The following CEP350 variants were observed in gnomAD, a reference collection of about 807,000 sequenced individuals.
CEP350 encodes the protein centrosomal protein 350, also known as centrosome-associated protein 350.
CEP350 carries 126 observed loss-of-function variants against 331.8 expected under a neutral mutation model. That is an observed-to-expected ratio of 0.38 (90% confidence interval 0.33 to 0.44). The LOEUF is 0.44. Among genes scored for constraint, CEP350 ranks in the 20% least tolerant of loss-of-function variants. The probability of loss-of-function intolerance (pLI) is 1.00; values close to 1 mark genes in which losing one functional copy is unlikely to be tolerated. For synonymous variants in CEP350, 1,200 were observed against 1,259.5 expected (o/e 0.95, Z 1.00); for missense variants, 3,406 against 3,634.6 (o/e 0.94, Z 1.62).
intron 37 of CEP350, 92 bp downstream of exon 37, chr1:180,099,077 T>C: frequency 1.6e-6 from 2 of 1,240,054 alleles, no homozygotes; most frequent in Admixed American, 2.6e-5. Context: ...GATAGACTTA[T>C]TCTTAAATCT....
chr1:180,071,898 C>T (rs778525796), intron 27 of CEP350, among the ~76,000 whole-genome samples: 3 of 152,182 alleles, frequency 2.0e-5, no homozygotes, highest in Non-Finnish European at 4.4e-5. Context: ...TCCAGTGTTC[C>T]GTTACCATCA....
intron 5 of CEP350, among the ~76,000 whole-genome samples, chr1:179,993,786 A>T (rs1653270779): frequency 6.6e-6 from 1 of 152,154 alleles, no homozygotes; most frequent in South Asian, 2.1e-4. Context: ...TACCCAGAAG[A>T]TAGCTGTGAA....
At chr1:180,095,459 T>C in intron 34 of CEP350, 64 bp from the exon 35 acceptor site, 2 of 1,524,210 alleles carry the variant, frequency 1.3e-6, no homozygotes, top group South Asian at 2.6e-5. Context: ...CTCTGTCTTT[T>C]TTTAAAAAAA....
At chr1:180,095,020 T>C (rs548791844) in intron 34 of CEP350, 36 of 183,698 alleles carry the variant, frequency 2.0e-4, no homozygotes, top group Admixed American at 1.6e-3. Flanking sequence ...TGTGAAATTG[T>C]TTACATATCT....
intron 1 of CEP350, among the ~76,000 whole-genome samples, chr1:179,965,720 A>C (rs377402815): frequency 3.9e-4 from 56 of 142,740 alleles, no homozygotes; most frequent in African/African-American, 1.4e-3. Flanking sequence ...TCCTGGGTTC[A>C]GGCGATACTC....
intron 8 of CEP350, among the ~76,000 whole-genome samples, chr1:180,006,943 C>T (rs1013115179): frequency 2.0e-5 from 3 of 152,158 alleles, no homozygotes; most frequent in African/African-American, 7.2e-5. Context: ...ATGAACTCAT[C>T]CTTTTTTATG....
chr1:180,045,133 G>A (rs1224521262), intron 21 of CEP350, among the ~76,000 whole-genome samples: 1 of 152,138 alleles, frequency 6.6e-6, no homozygotes, highest in Non-Finnish European at 1.5e-5. Flanking sequence ...CCTGAGGTTA[G>A]GAGTTCAAGA....
chr1:180,092,530 T>A, intron 33 of CEP350, 84 bp from the exon 34 acceptor site: 1 of 993,176 alleles, frequency 1.0e-6, no homozygotes, highest in Non-Finnish European at 1.4e-6. Context: ...TCACTAAAAT[T>A]TGGCTTTTCT....
In CEP350 at chr1:179,967,440, C is replaced by G. The variant is rs149719685; in HGVS notation, c.-14+12298C>G. Among the ~76,000 whole-genome samples, 699 of 152,190 alleles carry G rather than the reference C, an allele frequency of 4.6e-3. 8 individuals carry two copies. The highest frequency in any genetic ancestry group is 0.016 in the African/African-American group (661 of 41,512). ...TTCTTTTCTTTTTTTGAGACTGAGT[C>G]TCACTCTGTCGCCCAGGAGGGAGTA... On this transcript the variant is annotated intron_variant, in intron 1 of 37. Transcript: ENST00000367607.
At chr1:179,959,749 G>C (rs1335528013) in intron 1 of CEP350, among the ~76,000 whole-genome samples, 1 of 152,148 alleles carries the variant, frequency 6.6e-6, no homozygotes, top group African/African-American at 2.4e-5. Context: ...GGAAGACTCT[G>C]GCTCAAAACA....
chr1:179,986,333 A>G, intron 2 of CEP350, 79 bp downstream of exon 2: 2 of 857,558 alleles, frequency 2.3e-6, no homozygotes, highest in Non-Finnish European at 3.7e-6. Context: ...ATAAATGAAA[A>G]TTATACCTAT....
Position 180,084,110 on chromosome 1 carries a change from A to G in CEP350, c.6217A>G (p.Lys2073Glu). Residue 2073 changes from lysine to glutamate, a missense_variant, in exon 31 of 38, where the codon AAG (lysine) becomes GAG (glutamate). Transcript: ENST00000367607. ...AAAATCAGTTGTGAACCAGCTGAAG[A>G]AGGAACAGAAAAAAAGGCAAAAGGA... ...KRKSVVNQLK[K>E]EQKKRQKERL... 6.3e-7 allele frequency: 1 copy of G among 1,591,802 alleles called. No homozygotes were observed. The highest frequency in any genetic ancestry group is 1.1e-5 in the South Asian group (1 of 87,258).
Position 180,093,210 on chromosome 1 carries a change from G to T in CEP350, c.7105G>T (p.Ala2369Ser). The T allele has an allele frequency of 6.2e-7, 1 of 1,600,558 alleles. No individual in the cohort carries two copies. The change falls in exon 34 of 38, where the codon GCT (alanine) becomes TCT (serine). Residue 2369 changes from alanine to serine, a missense_variant. Transcript: ENST00000367607. ...KDLSWSEHLF[A>S]PKEIPYSEDF... ...TTTGTCTTGGTCAGAACATCTTTTT[G>T]CTCCTAAAGAGATACCATACTCTGA...
At chr1:180,036,814 T>C in intron 16 of CEP350, 112 bp from the exon 17 acceptor site, 1 of 1,248,532 alleles carries the variant, frequency 8.0e-7, no homozygotes, top group South Asian at 1.8e-5. Context: ...GAGTCCCAGT[T>C]TTTTCTACAA....
rs764975784 is a variant in CEP350 at position 179,997,047 on chromosome 1, A to G, written c.890A>G (p.Glu297Gly). The stretch of plus-strand genomic sequence containing the variant: ...ATTAGAAAACAGTGGGAACACTCAG[A>G]AGAAACAAATGGCCGGGGCCAGAAG... ...ERIRKQWEHS[E>G]ETNGRGQKLG... Residue 297 changes from glutamate (E) to glycine (G), a missense_variant, in exon 6 of 38, where the codon GAA (glutamate) becomes GGA (glycine). This residue lies in a region of CEP350 where 1,857 missense variants were observed against 1,909.2 expected (regional missense o/e 0.97). Coordinates refer to ENST00000367607, the MANE Select transcript of CEP350 (RefSeq NM_014810.5). 6.2e-7 allele frequency: 1 copy of G among 1,614,044 alleles called. No homozygotes were observed.
intron 1 of CEP350, among the ~76,000 whole-genome samples, chr1:179,984,643 A>T (rs1652522555): frequency 6.6e-6 from 1 of 152,234 alleles, no homozygotes; most frequent in African/African-American, 2.4e-5. Flanking sequence ...ACTCAATGGG[A>T]GAATAATTAA....
In CEP350 at chr1:180,114,826, A is replaced by G. The variant is rs997377551; in HGVS notation, c.*3665A>G. ...TGTGTAAATAGATTTGTTAACTGAA[A>G]TATACTTTAAGAAAGATAAAATCTG... On this transcript the variant is annotated 3_prime_UTR_variant, in exon 38 of 38. Coordinates refer to ENST00000367607, the MANE Select transcript of CEP350 (RefSeq NM_014810.5). 1.3e-5 allele frequency: 2 copies of G among 152,676 alleles called. No individual in the cohort carries two copies. Among genetic ancestry groups the G allele is most frequent in the Non-Finnish European group, 2.9e-5 (2 of 68,046 alleles). 9.5% of individuals were successfully genotyped at this position (152,676 alleles called of 1,614,324 possible).
At chr1:180,092,278 G>A (rs1471065555) in intron 33 of CEP350, among the ~76,000 whole-genome samples, 2 of 152,142 alleles carry the variant, frequency 1.3e-5, no homozygotes, top group African/African-American at 2.4e-5. Context: ...TTTGAAAAAT[G>A]TTTGTAATAA....
chr1:180,068,420 A>G, intron 27 of CEP350, among the ~76,000 whole-genome samples: 1 of 152,206 alleles, frequency 6.6e-6, no homozygotes, highest in Admixed American at 6.5e-5. Flanking sequence ...TGCAAAAGAC[A>G]TACAGTAGAT....
Sources: allele counts gnomAD v4.1 joint callset (sites outside exome capture counted in the v4.1 genomes callset), GRCh38; gene constraint gnomAD v4.1.1; regional missense constraint gnomAD v4.1.1; transcripts MANE v1.5; gene names NCBI Gene and HGNC (gene_info 2026-07-23, HGNC 2026-07-21).